RABEP1: variants seen among roughly 807,000 people sequenced by gnomAD.
RABEP1 encodes rab GTPase-binding effector protein 1.
In RABEP1, 51 loss-of-function variants were observed where a neutral mutation model predicts 123.4. That is an observed-to-expected ratio of 0.41 (90% confidence interval 0.33 to 0.52). The LOEUF (loss-of-function observed/expected upper bound fraction) is 0.52, where lower values mean the gene tolerates loss of function less well. RABEP1 is among the 20% of genes least tolerant of loss of function. The pLI is 0.16. For synonymous variants in RABEP1, 347 were observed against 355.2 expected, an observed-to-expected ratio of 0.98 and a Z score of 0.26; for missense variants, 888 against 996.3, an observed-to-expected ratio of 0.89 and a Z score of 1.46.
At chr17:5,321,996 C>T (rs1275804105) in intron 2 of RABEP1, among the ~76,000 whole-genome samples, 2 of 152,198 alleles carry the variant, frequency 1.3e-5, no homozygotes, top group Non-Finnish European at 2.9e-5. Flanking sequence ...GTCAGGCATT[C>T]AAGACCAGCC....
At chr17:5,372,121 G>A (rs2144709202) in intron 12 of RABEP1, among the ~76,000 whole-genome samples, 1 of 152,066 alleles carries the variant, frequency 6.6e-6, no homozygotes, top group South Asian at 2.1e-4. Flanking sequence ...ACATCAACAA[G>A]CAGAAGTGGG....
chr17:5,300,275 T>A (rs1423565065), intron 1 of RABEP1, among the ~76,000 whole-genome samples: 1 of 152,198 alleles, frequency 6.6e-6, no homozygotes, highest in Non-Finnish European at 1.5e-5. Context: ...GACTTTGGTT[T>A]GATGATCTTG....
intron 2 of RABEP1, among the ~76,000 whole-genome samples, chr17:5,310,683 C>T (rs1193677652): frequency 6.6e-6 from 1 of 152,104 alleles, no homozygotes; most frequent in African/African-American, 2.4e-5. Flanking sequence ...TTAACAAACA[C>T]ATGAATAGCT....
intron 12 of RABEP1, among the ~76,000 whole-genome samples, chr17:5,372,938 A>G (rs1396655806): frequency 6.6e-6 from 1 of 152,062 alleles, no homozygotes; most frequent in African/African-American, 2.4e-5. Flanking sequence ...TCTGCATTTT[A>G]GTAGAGACAG....
At position 5,384,966 on chromosome 17, in the gene RABEP1, G is replaced by C. The variant is rs1911826783; in HGVS notation, c.*1743G>C. 2 of 227,632 alleles carry C rather than the reference G, an allele frequency of 8.8e-6. No individual in the cohort carries two copies. The highest frequency in any genetic ancestry group is 1.1e-4 in the Admixed American group (2 of 17,564). 14.1% of individuals were successfully genotyped at this position (227,632 alleles called of 1,614,324 possible). ...AAAATTAGTGCTGTAAATCAGGGTGGGCAATTCACAGCCTTTCTGAACTGA... is the reference window on the plus strand; with the variant it reads ...AAAATTAGTGCTGTAAATCAGGGTGCGCAATTCACAGCCTTTCTGAACTGA... On this transcript the variant is annotated 3_prime_UTR_variant, in exon 18 of 18. Transcript: ENST00000537505.
At chr17:5,379,301 A>G (rs1251009325) in intron 15 of RABEP1, among the ~76,000 whole-genome samples, 2 of 152,174 alleles carry the variant, frequency 1.3e-5, no homozygotes, top group Non-Finnish European at 2.9e-5. Flanking sequence ...CCACAGTGTC[A>G]TTGCATAGGT....
chr17:5,365,909 C>T (rs1909965490), intron 11 of RABEP1, among the ~76,000 whole-genome samples: 1 of 152,202 alleles, frequency 6.6e-6, no homozygotes, highest in Admixed American at 6.5e-5. Flanking sequence ...CGCAATTTAT[C>T]CAGACTAATG....
At chr17:5,355,046 C>T (rs1396305626) in intron 8 of RABEP1, among the ~76,000 whole-genome samples, 2 of 152,158 alleles carry the variant, frequency 1.3e-5, no homozygotes, top group East Asian at 3.9e-4. Context: ...GTGGCAAGGG[C>T]CTCCTCATTG....
chr17:5,385,873 T>C lies in RABEP1; in HGVS notation c.*2650T>C, dbSNP rs1597309686. 1 of 287,168 alleles carries C rather than the reference T, an allele frequency of 3.5e-6. No individual in the cohort carries two copies. The highest frequency in any genetic ancestry group is 2.2e-5 in the African/African-American group (1 of 46,290). 17.8% of individuals were successfully genotyped at this position (287,168 alleles called of 1,614,324 possible). A position where few individuals can be genotyped will look rare whatever the true frequency, so the allele number is the denominator to read the frequency against. ...TCCCTCTTCAGAGTCATGTTTCTGG[T>C]GCTGCTACTTTAAAACACAGCTCAC... On this transcript the variant is annotated 3_prime_UTR_variant, in exon 18 of 18. Transcript: ENST00000537505.
chr17:5,381,716 AT>A, intron 17 of RABEP1: 1 of 725,058 alleles, frequency 1.4e-6, no homozygotes. Flanking sequence ...TGCCTTGCCA[AT>A]TTTGCCTCCT....
intron 2 of RABEP1, among the ~76,000 whole-genome samples, chr17:5,323,772 A>T (rs982469040): frequency 3.1e-5 from 3 of 97,270 alleles, no homozygotes; most frequent in East Asian, 4.0e-4. Flanking sequence ...ATATATATAT[A>T]TCTAGGAATA....
At chr17:5,382,734 G>A (rs1287224827) in intron 17 of RABEP1, among the ~76,000 whole-genome samples, 3 of 151,764 alleles carry the variant, frequency 2.0e-5, no homozygotes, top group Admixed American at 6.6e-5. Flanking sequence ...CCTGGGTGAC[G>A]GAGCAATACT....
rs141383360 is a variant in RABEP1, at chr17:5,361,741, T to C, written c.1563+66T>C. 7.7e-5 allele frequency: 105 copies of C among 1,357,768 alleles called. 1 individual carries two copies. The African/African-American group carries it at 1.4e-3, about 18-fold the overall frequency. The allele number at this position is 1,357,768 out of a possible 1,614,324, so 84.1% of individuals were successfully genotyped here. A position where few individuals can be genotyped will look rare whatever the true frequency, so the allele number is the denominator to read the frequency against. On this transcript the variant is annotated intron_variant, in intron 9 of 17. Coordinates refer to ENST00000537505, the MANE Select transcript of RABEP1 (RefSeq NM_004703.6). ...AGGCACACTGGGAAGCTCTGGGATT[T>C]AGCGTTCATTCAACAGACGGTTCCT...
rs759799531 is a variant in RABEP1, at chr17:5,365,112, AATGAT to A, written c.1669-8_1669-4del. 11 of 1,554,452 alleles carry A rather than the reference AATGAT, an allele frequency of 7.1e-6. No individual in the cohort carries two copies. The highest frequency in any genetic ancestry group is 8.7e-6 in the Non-Finnish European group (10 of 1,151,090). On this transcript the variant is annotated splice_polypyrimidine_tract_variant and splice_region_variant and intron_variant, in intron 10 of 17. Transcript: ENST00000537505. Reference sequence around the variant, plus strand: ...TCTGGTTTTTCTAATTGACTTTTAAAATGATACAGGTGAAAAAACTACAGCTGATG... The same window carrying A: ...TCTGGTTTTTCTAATTGACTTTTAAAACAGGTGAAAAAACTACAGCTGATG...
At chr17:5,331,329 G>A (rs1242467403) in intron 2 of RABEP1, among the ~76,000 whole-genome samples, 1 of 151,940 alleles carries the variant, frequency 6.6e-6, no homozygotes, top group Non-Finnish European at 1.5e-5. Flanking sequence ...TGTTGTTAAG[G>A]GTATGGGAAA....
chr17:5,336,581 C>G (rs1221499408), intron 4 of RABEP1: 1 of 399,432 alleles, frequency 2.5e-6, no homozygotes, highest in African/African-American at 2.2e-5. Context: ...TTTTTAATGA[C>G]CTTTCTGTCA....
chr17:5,312,159 C>T (rs2075249499), intron 2 of RABEP1, among the ~76,000 whole-genome samples: 1 of 152,120 alleles, frequency 6.6e-6, no homozygotes. Flanking sequence ...TTAGTTATCC[C>T]TCTGTGAGGC....
chr17:5,336,470 C>CT (rs994342316), intron 4 of RABEP1: 36 of 468,584 alleles, frequency 7.7e-5, no homozygotes, highest in East Asian at 3.2e-4. Flanking sequence ...ACCTAATGTC[C>CT]TTTTTTTTCT....
chr17:5,378,410 C>A, intron 15 of RABEP1, 178 bp downstream of exon 15: 1 of 687,994 alleles, frequency 1.5e-6, no homozygotes, highest in Non-Finnish European at 2.7e-6. Context: ...TGAGAGTGCC[C>A]TGTGTGTCAG....
Sources: gnomAD v4.1 joint callset for allele counts (sites outside exome capture counted in the v4.1 genomes callset) on GRCh38, gnomAD v4.1.1 for gene constraint, MANE v1.5 for transcripts, NCBI Gene and HGNC (gene_info 2026-07-23, HGNC 2026-07-21) for gene names.